PRKCA: variants seen among roughly 807,000 people sequenced by gnomAD.
PRKCA encodes protein kinase C alpha.
Under a neutral mutation model 87.0 loss-of-function variants are expected in PRKCA, and 27 were observed. The observed-to-expected ratio is 0.31, with a 90% CI of 0.23 to 0.43. PRKCA has a LOEUF of 0.43. PRKCA is among the 20% of genes least tolerant of loss of function. PRKCA has a pLI of 1.00. For synonymous variants in PRKCA, 329 were observed against 311.1 expected, an observed-to-expected ratio of 1.06 and a Z score of -0.61; for missense variants, 518 against 852.3, an observed-to-expected ratio of 0.61 and a Z score of 4.88.
intron 2 of PRKCA, among the ~76,000 whole-genome samples, chr17:66,402,235 G>A (rs1911074057): frequency 6.6e-6 from 1 of 152,134 alleles, no homozygotes; most frequent in African/African-American, 2.4e-5. Context: ...AAGTTTGGCA[G>A]CGTGGAGATA....
chr17:66,522,712 A>T (rs1016379915), intron 3 of PRKCA, among the ~76,000 whole-genome samples: 1 of 152,062 alleles, frequency 6.6e-6, no homozygotes, highest in African/African-American at 2.4e-5. Context: ...CATAGCAGTG[A>T]AAACCATAGT....
intron 2 of PRKCA, among the ~76,000 whole-genome samples, chr17:66,473,159 G>A (rs548204339): frequency 3.3e-5 from 5 of 151,738 alleles, no homozygotes; most frequent in Admixed American, 6.6e-5. Context: ...ACTCTGCAGC[G>A]GGCTGCCTCC....
At chr17:66,425,549 G>T (rs1043567470) in intron 2 of PRKCA, among the ~76,000 whole-genome samples, 1 of 152,078 alleles carries the variant, frequency 6.6e-6, no homozygotes, top group African/African-American at 2.4e-5. Flanking sequence ...GCAGTCTCAT[G>T]AAAAAAATCA....
At chr17:66,418,527 C>G (rs2038337662) in intron 2 of PRKCA, among the ~76,000 whole-genome samples, 1 of 151,520 alleles carries the variant, frequency 6.6e-6, no homozygotes, top group South Asian at 2.1e-4. Context: ...CCTCTGCCTC[C>G]CGGGCTCAAG....
At chr17:66,341,341 T>G (rs1238313537) in intron 2 of PRKCA, among the ~76,000 whole-genome samples, 1 of 152,224 alleles carries the variant, frequency 6.6e-6, no homozygotes, top group East Asian at 1.9e-4. Flanking sequence ...TTTCCCCTGC[T>G]TTTAATCTCT....
chr17:66,336,765 T>TGTGTGTGTGC (rs1390599718), intron 2 of PRKCA, among the ~76,000 whole-genome samples: 8 of 88,606 alleles, frequency 9.0e-5, no homozygotes, highest in African/African-American at 3.2e-4. Context: ...TGTGTGTGTG[T>TGTGTGTGTGC]GTGTGTGTGT....
intron 5 of PRKCA, among the ~76,000 whole-genome samples, chr17:66,647,115 G>A (rs1351001129): frequency 5.6e-5 from 1 of 17,914 alleles, no homozygotes. Flanking sequence ...GGTGTTCCTC[G>A]GGGGCCATGA....
chr17:66,378,818 T>C (rs1909624698), intron 2 of PRKCA, among the ~76,000 whole-genome samples: 1 of 151,750 alleles, frequency 6.6e-6, no homozygotes, highest in Non-Finnish European at 1.5e-5. Flanking sequence ...GGAGAAATGC[T>C]TGAACTCAGG....
At chr17:66,374,760 C>T (rs1279730239) in intron 2 of PRKCA, among the ~76,000 whole-genome samples, 2 of 128,644 alleles carry the variant, frequency 1.6e-5, no homozygotes, top group South Asian at 2.7e-4. Context: ...CACGGTCTTG[C>T]TCTGTCGTCC....
rs34737326 is a variant in PRKCA, at chr17:66,654,421, C to CAGCAG, written c.529+8910_529+8911insAGCAG. Among the ~76,000 whole-genome samples, 20 of 151,712 alleles carry CAGCAG rather than the reference C, an allele frequency of 1.3e-4. No homozygotes were observed. In the South Asian group the frequency reaches 3.3e-3, roughly 25 times the overall value. ...TTTGGGAAAAATGCTATCATCATCA[C>CAGCAG]CAGCAGCAGCAGCAGCATCATTACC... On this transcript the variant is annotated intron_variant, in intron 5 of 16. Transcript: ENST00000413366.
intron 3 of PRKCA, among the ~76,000 whole-genome samples, chr17:66,526,979 A>G (rs1057362104): frequency 6.6e-6 from 1 of 152,174 alleles, no homozygotes; most frequent in East Asian, 1.9e-4. Flanking sequence ...ATCCTGCCCA[A>G]GGCTTGTTTT....
chr17:66,525,403 C>T (rs1967312556), intron 3 of PRKCA, among the ~76,000 whole-genome samples: 1 of 151,900 alleles, frequency 6.6e-6, no homozygotes, highest in Non-Finnish European at 1.5e-5. Context: ...TGAAATAGGC[C>T]CTGGAAGGTT....
At chr17:66,631,730 G>T (rs1019022279) in intron 3 of PRKCA, among the ~76,000 whole-genome samples, 27 of 152,180 alleles carry the variant, frequency 1.8e-4, no homozygotes, top group African/African-American at 6.5e-4. Flanking sequence ...ATGGATAAAT[G>T]TCTGAGGGGA....
intron 2 of PRKCA, among the ~76,000 whole-genome samples, chr17:66,385,229 C>G (rs752733734): frequency 6.6e-6 from 1 of 152,180 alleles, no homozygotes; most frequent in Non-Finnish European, 1.5e-5. Context: ...TGCTTTCTCT[C>G]CTCTCAGCCC....
At chr17:66,564,001 T>TCCTC (rs1264875418) in intron 3 of PRKCA, among the ~76,000 whole-genome samples, 1 of 124,698 alleles carries the variant, frequency 8.0e-6, no homozygotes, top group African/African-American at 3.1e-5. Context: ...CTTCCTTCCT[T>TCCTC]CCTCCTTTCT....
intron 5 of PRKCA, among the ~76,000 whole-genome samples, chr17:66,659,860 C>T (rs1379491165): frequency 1.3e-5 from 2 of 152,182 alleles, no homozygotes; most frequent in Non-Finnish European, 2.9e-5. Context: ...CGTTTATTGC[C>T]AAGCAAGGAG....
chr17:66,504,080 T>C (rs762118959), intron 3 of PRKCA, among the ~76,000 whole-genome samples: 6 of 152,196 alleles, frequency 3.9e-5, no homozygotes, highest in Admixed American at 6.5e-5. Context: ...TCTAGACCTT[T>C]GTTTTCTTAC....
At chr17:66,738,876 C>T (rs1974096573) in intron 11 of PRKCA, 21 bp downstream of exon 11, 1 of 1,587,572 alleles carries the variant, frequency 6.3e-7, no homozygotes, top group African/African-American at 1.4e-5. Flanking sequence ...TTTTTTAAGT[C>T]CTTTAATTTG....
intron 3 of PRKCA, among the ~76,000 whole-genome samples, chr17:66,562,895 C>T (rs1567900539): frequency 6.6e-6 from 1 of 152,088 alleles, no homozygotes; most frequent in African/African-American, 2.4e-5. Flanking sequence ...TGTGCCTGGC[C>T]AGCTTGATAA....
Sources: allele counts gnomAD v4.1 joint callset (sites outside exome capture counted in the v4.1 genomes callset), GRCh38; gene constraint gnomAD v4.1.1; transcripts MANE v1.5; gene names NCBI Gene and HGNC (gene_info 2026-07-23, HGNC 2026-07-21).